Variants in MRTFA observed in about 807,000 individuals in gnomAD.
The protein encoded by MRTFA is myocardin-related transcription factor A.
A neutral mutation model predicts 83.5 loss-of-function variants in MRTFA; 20 were observed. The ratio of observed to expected loss-of-function variants is 0.24; its 90% CI spans 0.17 to 0.35. The LOEUF is 0.35. MRTFA is among the 10% of genes least tolerant of loss of function. The pLI is 1.00. For synonymous variants in MRTFA, 659 were observed against 541.2 expected, an observed-to-expected ratio of 1.22 and a Z score of -3.02; for missense variants, 1,200 against 1,224.7, an observed-to-expected ratio of 0.98 and a Z score of 0.30.
chr22:40,572,015 A>C (rs1044561763), intron 2 of MRTFA, among the ~76,000 whole-genome samples: 5 of 151,992 alleles, frequency 3.3e-5, no homozygotes, highest in African/African-American at 4.8e-5. Flanking sequence ...TGAAAAAAAA[A>C]ACAAAACACA....
intron 3 of MRTFA, among the ~76,000 whole-genome samples, chr22:40,538,572 T>C (rs1294526638): frequency 1.4e-5 from 1 of 72,234 alleles, no homozygotes; most frequent in South Asian, 2.7e-4. Flanking sequence ...AATAAAAAAA[T>C]AAATTAAAAA....
intron 4 of MRTFA, 27 bp downstream of exon 4, chr22:40,463,194 C>T (rs745638469): frequency 6.2e-7 from 1 of 1,604,878 alleles, no homozygotes; most frequent in Non-Finnish European, 8.5e-7. Context: ...AGCAATCTAC[C>T]AAATGCTGAG....
At chr22:40,540,413 G>A (rs955203378) in intron 3 of MRTFA, among the ~76,000 whole-genome samples, 17 of 152,000 alleles carry the variant, frequency 1.1e-4, no homozygotes, top group Non-Finnish European at 2.2e-4. Flanking sequence ...CTTTCTCACA[G>A]CCTCCATGGA....
chr22:40,589,549 T>C (rs1003373601), intron 2 of MRTFA, among the ~76,000 whole-genome samples: 4 of 152,144 alleles, frequency 2.6e-5, no homozygotes, highest in African/African-American at 9.7e-5. Flanking sequence ...GGAAGGAATT[T>C]TAAAAGCAGG....
chr22:40,592,322 C>T (rs768649042), intron 2 of MRTFA, among the ~76,000 whole-genome samples: 9 of 150,970 alleles, frequency 6.0e-5, no homozygotes, highest in Non-Finnish European at 8.8e-5. Context: ...GTGGCACACA[C>T]CTGCAGTCCT....
At chr22:40,603,199 G>A (rs923062327) in intron 1 of MRTFA, among the ~76,000 whole-genome samples, 2 of 152,126 alleles carry the variant, frequency 1.3e-5, no homozygotes, top group Non-Finnish European at 2.9e-5. Context: ...TTCTAGCTCC[G>A]AGGCTTCTGA....
In MRTFA at chr22:40,551,503, G is replaced by A. The variant is rs573922129; in HGVS notation, c.241+603C>T. ...CCACCTCAGACTCCCCAGTAGCTGGGTCTACAAGTGTGTGCCACCAAGCCC... is the reference window on the plus strand; with the variant it reads ...CCACCTCAGACTCCCCAGTAGCTGGATCTACAAGTGTGTGCCACCAAGCCC... On this transcript the variant is annotated intron_variant, in intron 3 of 14. Coordinates refer to ENST00000355630, the MANE Select transcript of MRTFA (RefSeq NM_020831.6). Among the ~76,000 whole-genome samples, 42 of 152,172 alleles carry A rather than the reference G, an allele frequency of 2.8e-4. No individual in the cohort carries two copies. In the South Asian group the frequency reaches 7.5e-3, roughly 27 times the overall value.
intron 1 of MRTFA, among the ~76,000 whole-genome samples, chr22:40,631,495 G>A (rs2056641302): frequency 6.6e-6 from 1 of 152,132 alleles, no homozygotes; most frequent in African/African-American, 2.4e-5. Flanking sequence ...CACAGTCCAA[G>A]TTCATACACA....
chr22:40,428,400 T>C (rs566735821), intron 7 of MRTFA, among the ~76,000 whole-genome samples: 22 of 152,310 alleles, frequency 1.4e-4, no homozygotes, highest in African/African-American at 5.1e-4. Context: ...GTATTCTGTA[T>C]TGAGTGTAAA....
chr22:40,475,379 A>G (rs1020528673), intron 3 of MRTFA, among the ~76,000 whole-genome samples: 1 of 151,998 alleles, frequency 6.6e-6, no homozygotes, highest in African/African-American at 2.4e-5. Flanking sequence ...CTCAATTAAA[A>G]TAGAAAAATT....
At chr22:40,507,221 C>A (rs2054594458) in intron 3 of MRTFA, among the ~76,000 whole-genome samples, 1 of 152,006 alleles carries the variant, frequency 6.6e-6, no homozygotes. Flanking sequence ...ATTAGCCAGG[C>A]GTGGTGGCAT....
At chr22:40,449,242 G>A (rs763696550) in intron 4 of MRTFA, among the ~76,000 whole-genome samples, 2 of 150,560 alleles carry the variant, frequency 1.3e-5, no homozygotes, top group Non-Finnish European at 3.0e-5. Flanking sequence ...ACTCCAGCCT[G>A]GGTGACAGAA....
chr22:40,471,614 AGCTCAT>A (rs1279487111), intron 3 of MRTFA, among the ~76,000 whole-genome samples: 3 of 152,140 alleles, frequency 2.0e-5, no homozygotes, highest in Non-Finnish European at 4.4e-5. Flanking sequence ...TGGGCGCGGT[AGCTCAT>A]GCTTGTAATT....
chr22:40,454,065 T>G (rs1302488359), intron 4 of MRTFA, among the ~76,000 whole-genome samples: 3 of 152,332 alleles, frequency 2.0e-5, no homozygotes, highest in South Asian at 4.1e-4. Flanking sequence ...ATAGCAATTG[T>G]CTTTTAATCC....
At chr22:40,626,183 G>A (rs1164525247) in intron 1 of MRTFA, among the ~76,000 whole-genome samples, 6 of 151,916 alleles carry the variant, frequency 3.9e-5, no homozygotes, top group East Asian at 1.9e-4. Flanking sequence ...ATGGGGTTTC[G>A]CCATCTTGGC....
At chr22:40,633,332 G>A (rs1346855587) in intron 1 of MRTFA, among the ~76,000 whole-genome samples, 2 of 152,170 alleles carry the variant, frequency 1.3e-5, no homozygotes, top group Non-Finnish European at 2.9e-5. Flanking sequence ...TTGAAGCTGG[G>A]AAGAAAAACA....
Position 40,471,103 on chromosome 22 carries a change from C to T in MRTFA, c.242-7817G>A, listed in dbSNP as rs184988863. ...AAAAATCAGAAATGCAAAAGGAGGC[C>T]GGGTGTGGTAGCTCACACCTGTGAT... is the stretch of plus-strand genomic sequence containing the variant. On this transcript the variant is annotated intron_variant, in intron 3 of 14. Coordinates refer to ENST00000355630, the MANE Select transcript of MRTFA (RefSeq NM_020831.6). 4.8e-4 allele frequency among the ~76,000 whole-genome samples: 73 copies of T among 150,846 alleles called. No homozygotes were observed. In the South Asian group the frequency reaches 5.3e-3, roughly 11 times the overall value.
intron 1 of MRTFA, among the ~76,000 whole-genome samples, chr22:40,605,882 C>T (rs2056314103): frequency 6.6e-6 from 1 of 152,166 alleles, no homozygotes; most frequent in African/African-American, 2.4e-5. Context: ...TGGTGGTTAG[C>T]ATTCTTTTCA....
At chr22:40,556,791 T>C (rs1177880258) in intron 2 of MRTFA, among the ~76,000 whole-genome samples, 1 of 152,240 alleles carries the variant, frequency 6.6e-6, no homozygotes, top group African/African-American at 2.4e-5. Flanking sequence ...CGGCTGAGTA[T>C]TCTTTGTCAT....
Sources: allele counts gnomAD v4.1 joint callset (sites outside exome capture counted in the v4.1 genomes callset), GRCh38; gene constraint gnomAD v4.1.1; transcripts MANE v1.5; gene names NCBI Gene and HGNC (gene_info 2026-07-23, HGNC 2026-07-21).